Variants in OXR1 observed in about 807,000 individuals in gnomAD.
OXR1 encodes oxidation resistance protein 1.
In OXR1, 41 loss-of-function variants were observed where a neutral mutation model predicts 104.6. The observed-to-expected ratio is 0.39, with a 90% CI of 0.31 to 0.51. OXR1 has a LOEUF of 0.51. OXR1 is among the 20% of genes least tolerant of loss of function. The probability of loss-of-function intolerance (pLI) is 0.77; values close to 1 mark genes in which losing one functional copy is unlikely to be tolerated. For missense variants in OXR1, 955 were observed against 1,031.9 expected (o/e 0.93, Z 1.02); for synonymous variants, 348 against 348.4 (o/e 1.00, Z 0.01).
chr8:106,361,087 C>A (rs1337153645), intron 2 of OXR1, among the ~76,000 whole-genome samples: 1 of 152,286 alleles, frequency 6.6e-6, no homozygotes, highest in African/African-American at 2.4e-5. Flanking sequence ...CTCCAAAACA[C>A]AGTGAACTCC....
chr8:106,655,503 C>G (rs2126581), intron 3 of OXR1, among the ~76,000 whole-genome samples: 1 of 151,718 alleles, frequency 6.6e-6, no homozygotes, highest in African/African-American at 2.4e-5. Context: ...AAAAGAAAAT[C>G]TGGAAGAAAG....
chr8:106,363,292 G>A (rs530771932), intron 2 of OXR1, among the ~76,000 whole-genome samples: 32 of 152,250 alleles, frequency 2.1e-4, no homozygotes, highest in South Asian at 6.2e-4. Flanking sequence ...TGTGATAAGC[G>A]CTTTAAAAGA....
intron 15 of OXR1, among the ~76,000 whole-genome samples, chr8:106,744,385 C>T (rs935610038): frequency 1.4e-4 from 21 of 152,120 alleles, no homozygotes; most frequent in Admixed American, 6.5e-5. Flanking sequence ...ATGGCATGAT[C>T]ATTTAATAAT....
chr8:106,690,221 C>T (rs1026083079), intron 6 of OXR1, among the ~76,000 whole-genome samples: 1 of 150,306 alleles, frequency 6.7e-6, no homozygotes. Context: ...TAAATGTAAG[C>T]TTATGTATTA....
At chr8:106,283,508 A>G (rs971735256) in intron 1 of OXR1, among the ~76,000 whole-genome samples, 1 of 152,074 alleles carries the variant, frequency 6.6e-6, no homozygotes, top group Admixed American at 6.6e-5. Context: ...ACTTAAATGA[A>G]CATACCATCC....
chr8:106,578,986 TC>T (rs1269510817), intron 3 of OXR1, among the ~76,000 whole-genome samples: 6 of 140,098 alleles, frequency 4.3e-5, no homozygotes, highest in East Asian at 2.3e-4. Context: ...ACTTTTTCTT[TC>T]TTTTTTTTTT....
intron 3 of OXR1, among the ~76,000 whole-genome samples, chr8:106,654,659 A>C (rs1824904066): frequency 6.6e-6 from 1 of 152,126 alleles, no homozygotes. Context: ...AAAACATAAT[A>C]GTTAATCTTC....
intron 1 of OXR1, among the ~76,000 whole-genome samples, chr8:106,271,064 C>G (rs1563686745): frequency 6.6e-6 from 1 of 151,970 alleles, no homozygotes; most frequent in Non-Finnish European, 1.5e-5. Flanking sequence ...GGAGGGCCGA[C>G]TGGAAAATCG....
chr8:106,467,126 A>G (rs1323995948), intron 2 of OXR1, among the ~76,000 whole-genome samples: 2 of 151,924 alleles, frequency 1.3e-5, no homozygotes, highest in African/African-American at 4.8e-5. Context: ...TACCTTCCAG[A>G]GTATTTCATC....
intron 2 of OXR1, among the ~76,000 whole-genome samples, chr8:106,468,764 A>C (rs1821325420): frequency 6.6e-6 from 1 of 151,862 alleles, no homozygotes; most frequent in South Asian, 2.1e-4. Flanking sequence ...AAGAAAGAAC[A>C]CAGAGAGTCT....
intron 3 of OXR1, among the ~76,000 whole-genome samples, chr8:106,646,334 T>C (rs1824082336): frequency 6.6e-6 from 1 of 152,108 alleles, no homozygotes; most frequent in Non-Finnish European, 1.5e-5. Flanking sequence ...CTCAAACTCC[T>C]GACCTCAGGG....
chr8:106,726,190 T>TAC lies in OXR1; in HGVS notation c.1957-11330_1957-11329insAC, dbSNP rs1587254335. The TAC allele has an allele frequency of 2.7e-6, 4 of 1,498,112 alleles. No individual in the cohort carries two copies. In the East Asian group the frequency reaches 1.0e-4, roughly 38 times the overall value. 92.8% of individuals were successfully genotyped at this position (1,498,112 alleles called of 1,614,324 possible). On this transcript the variant is annotated intron_variant, in intron 11 of 16. Transcript: ENST00000517566. The stretch of plus-strand genomic sequence containing the variant: ...TTATCTTTGACAGAGGAAGAATGCT[T>TAC]TTGAAAACAGTTCTTACGTGATTTT...
chr8:106,342,619 G>T (rs1281527871), intron 1 of OXR1, among the ~76,000 whole-genome samples: 1 of 151,924 alleles, frequency 6.6e-6, no homozygotes, highest in Admixed American at 6.6e-5. Context: ...CCCATACCCT[G>T]TATTTCACCT....
At chr8:106,314,305 T>C (rs1813836482) in intron 1 of OXR1, among the ~76,000 whole-genome samples, 1 of 152,238 alleles carries the variant, frequency 6.6e-6, no homozygotes, top group Non-Finnish European at 1.5e-5. Context: ...TGATCAAGAA[T>C]TGATCTCTAA....
intron 3 of OXR1, among the ~76,000 whole-genome samples, chr8:106,605,623 C>G (rs1274723085): frequency 7.2e-6 from 1 of 138,132 alleles, no homozygotes; most frequent in African/African-American, 2.9e-5. Context: ...GGTGAAACCC[C>G]GTCTCTACTA....
intron 3 of OXR1, chr8:106,581,319 C>T: frequency 1.0e-6 from 1 of 986,062 alleles, no homozygotes; most frequent in South Asian, 1.3e-5. Flanking sequence ...ATGTCAACCA[C>T]TTGTTGAGGC....
chr8:106,695,192 G>T (rs961274693), intron 7 of OXR1, among the ~76,000 whole-genome samples: 8 of 150,658 alleles, frequency 5.3e-5, no homozygotes, highest in African/African-American at 1.9e-4. Context: ...TTTAAAATAA[G>T]GGTAAAGTCT....
At chr8:106,605,596 A>G (rs1820310697) in intron 3 of OXR1, among the ~76,000 whole-genome samples, 1 of 150,486 alleles carries the variant, frequency 6.6e-6, no homozygotes. Context: ...GGAGTTCCAG[A>G]CTAGCTTGAC....
At chr8:106,507,571 G>C (rs1169018533) in intron 2 of OXR1, among the ~76,000 whole-genome samples, 3 of 152,188 alleles carry the variant, frequency 2.0e-5, no homozygotes, top group African/African-American at 7.2e-5. Flanking sequence ...GCAGTATTTT[G>C]GAGAGGGTTG....
Sources: gnomAD v4.1 joint callset for allele counts (sites outside exome capture counted in the v4.1 genomes callset) on GRCh38, gnomAD v4.1.1 for gene constraint, MANE v1.5 for transcripts, NCBI Gene and HGNC (gene_info 2026-07-23, HGNC 2026-07-21) for gene names.